DCC: variants seen among roughly 807,000 people sequenced by gnomAD.
The protein encoded by DCC is DCC netrin 1 receptor.
A neutral mutation model predicts 172.5 loss-of-function variants in DCC; 58 were observed. The observed-to-expected ratio is 0.34, with a 90% CI of 0.27 to 0.42. DCC has a LOEUF of 0.42. DCC is among the 10% of genes least tolerant of loss of function. The pLI is 1.00. For synonymous variants in DCC, 709 were observed against 644.5 expected, an observed-to-expected ratio of 1.10 and a Z score of -1.52; for missense variants, 1,740 against 1,791.0, an observed-to-expected ratio of 0.97 and a Z score of 0.51.
chr18:52,789,432 C>A (rs2037719485), intron 2 of DCC, among the ~76,000 whole-genome samples: 1 of 151,964 alleles, frequency 6.6e-6, no homozygotes, highest in African/African-American at 2.4e-5. Flanking sequence ...AAGCAAGATT[C>A]AAGAAGAGAC....
chr18:53,323,476 T>C (rs550799770), intron 14 of DCC, among the ~76,000 whole-genome samples: 1 of 152,234 alleles, frequency 6.6e-6, no homozygotes, highest in African/African-American at 2.4e-5. Context: ...TGCTGAGCTT[T>C]GATACAATAA....
intron 1 of DCC, among the ~76,000 whole-genome samples, chr18:52,415,715 C>T (rs919676155): frequency 2.6e-5 from 4 of 151,996 alleles, no homozygotes; most frequent in Non-Finnish European, 5.9e-5. Flanking sequence ...CTTTTTGAAA[C>T]GTGAAGCCTG....
chr18:53,054,387 C>T (rs1185448684), intron 5 of DCC, among the ~76,000 whole-genome samples: 1 of 152,042 alleles, frequency 6.6e-6, no homozygotes, highest in East Asian at 1.9e-4. Context: ...CTCACACACA[C>T]ACGCAAGCTT....
At chr18:52,431,180 T>C (rs1252346270) in intron 1 of DCC, among the ~76,000 whole-genome samples, 2 of 152,142 alleles carry the variant, frequency 1.3e-5, no homozygotes, top group Non-Finnish European at 2.9e-5. Flanking sequence ...GAATCAAGAA[T>C]GCTGGAGTTG....
At chr18:52,363,897 A>G (rs1984730157) in intron 1 of DCC, among the ~76,000 whole-genome samples, 2 of 152,092 alleles carry the variant, frequency 1.3e-5, no homozygotes, top group African/African-American at 4.8e-5. Context: ...GGAGGGCCAG[A>G]TGTACTCTCA....
At chr18:53,289,185 T>A (rs1384198184) in intron 12 of DCC, among the ~76,000 whole-genome samples, 1 of 152,118 alleles carries the variant, frequency 6.6e-6, no homozygotes, top group Non-Finnish European at 1.5e-5. Flanking sequence ...TTATTCCTTT[T>A]GAAAAATAAT....
At chr18:52,504,028 C>A (rs1204617074) in intron 1 of DCC, among the ~76,000 whole-genome samples, 6 of 152,088 alleles carry the variant, frequency 3.9e-5, no homozygotes, top group Non-Finnish European at 7.4e-5. Flanking sequence ...ATAAATGGAG[C>A]ATTTCTGCCA....
chr18:53,281,712 T>A (rs12958755), intron 12 of DCC, among the ~76,000 whole-genome samples: 67,504 of 151,244 alleles, frequency 0.45, 15,800 homozygotes, highest in Non-Finnish European at 0.53. Flanking sequence ...GCAATTGGCC[T>A]AGGTGGAAGT....
At chr18:53,048,167 T>C (rs2042283762) in intron 5 of DCC, among the ~76,000 whole-genome samples, 1 of 151,934 alleles carries the variant, frequency 6.6e-6, no homozygotes, top group African/African-American at 2.4e-5. Context: ...AGGTTTGTTA[T>C]GTAGGTAAAC....
chr18:52,438,938 G>C (rs906190983), intron 1 of DCC, among the ~76,000 whole-genome samples: 4 of 152,242 alleles, frequency 2.6e-5, no homozygotes, highest in African/African-American at 9.6e-5. Context: ...AGGAAGACTT[G>C]AAAAGATCAA....
chr18:52,406,124 G>T (rs1458942349), intron 1 of DCC, among the ~76,000 whole-genome samples: 1 of 147,904 alleles, frequency 6.8e-6, no homozygotes, highest in Non-Finnish European at 1.5e-5. Context: ...GCCATATGTA[G>T]AAAGCTGAAA....
At chr18:52,870,592 G>A (rs1157644263) in intron 2 of DCC, among the ~76,000 whole-genome samples, 2 of 152,128 alleles carry the variant, frequency 1.3e-5, no homozygotes, top group Non-Finnish European at 2.9e-5. Context: ...GATCACTGTT[G>A]TAGAATCTAA....
At chr18:53,529,040 A>T (rs10163700) in intron 28 of DCC, among the ~76,000 whole-genome samples, 17,350 of 57,382 alleles carry the variant, frequency 0.3, 1,205 homozygotes, top group Non-Finnish European at 0.39. Context: ...TCTCTCTCTC[A>T]CACACACACA....
chr18:52,950,721 G>A (rs951369224), intron 5 of DCC, among the ~76,000 whole-genome samples: 3 of 151,580 alleles, frequency 2.0e-5, no homozygotes, highest in African/African-American at 4.8e-5. Flanking sequence ...TCAGGAGATC[G>A]AGACCATCCT....
chr18:52,601,111 T>A (rs2034008580), intron 1 of DCC, among the ~76,000 whole-genome samples: 1 of 152,148 alleles, frequency 6.6e-6, no homozygotes, highest in African/African-American at 2.4e-5. Context: ...CAGAATTATC[T>A]AAGTTGCTGT....
intron 2 of DCC, among the ~76,000 whole-genome samples, chr18:52,880,205 C>T (rs1037301536): frequency 5.9e-5 from 9 of 152,134 alleles, no homozygotes; most frequent in Non-Finnish European, 1.2e-4. Flanking sequence ...ATTTCAGCTT[C>T]AGCTCACTGC....
At chr18:52,439,831 A>G (rs867606733) in intron 1 of DCC, among the ~76,000 whole-genome samples, 2 of 152,226 alleles carry the variant, frequency 1.3e-5, no homozygotes, top group African/African-American at 4.8e-5. Context: ...AGTATTACGC[A>G]TTGCATGCCT....
chr18:52,865,639 C>A (rs4355024), intron 2 of DCC, among the ~76,000 whole-genome samples: 71,708 of 150,998 alleles, frequency 0.47, 17,164 homozygotes, highest in South Asian at 0.56. Flanking sequence ...TGATAGCCGC[C>A]TAAATGTTTT....
At chr18:52,666,460 C>A (rs2035460763) in intron 1 of DCC, among the ~76,000 whole-genome samples, 1 of 152,108 alleles carries the variant, frequency 6.6e-6, no homozygotes, top group Non-Finnish European at 1.5e-5. Flanking sequence ...AGAATTTCCT[C>A]TCTTAAATAA....
Sources: allele counts gnomAD v4.1 joint callset (sites outside exome capture counted in the v4.1 genomes callset), GRCh38; gene constraint gnomAD v4.1.1; transcripts MANE v1.5; gene names NCBI Gene and HGNC (gene_info 2026-07-23, HGNC 2026-07-21).